PPIP5K1: variants seen among roughly 807,000 people sequenced by gnomAD.
PPIP5K1 encodes diphosphoinositol pentakisphosphate kinase 1, also known as inositol hexakisphosphate and diphosphoinositol-pentakisphosphate kinase 1.
A neutral mutation model predicts 27.7 loss-of-function variants in PPIP5K1; 6 were observed. That is an observed-to-expected ratio of 0.22 (90% CI 0.12 to 0.43). The LOEUF (loss-of-function observed/expected upper bound fraction) is 0.43, where lower values mean the gene tolerates loss of function less well. Ranked by LOEUF, PPIP5K1 falls within the 20% of genes least tolerant of loss-of-function variation. The pLI, the probability that PPIP5K1 is intolerant of heterozygous loss-of-function variation, is 1.00. For synonymous variants in PPIP5K1, 145 were observed against 242.6 expected, an observed-to-expected ratio of 0.60 and a Z score of 3.74; for missense variants, 394 against 635.4, an observed-to-expected ratio of 0.62 and a Z score of 4.08.
chr15:43,541,585 T>G (rs2080722348), intron 30 of PPIP5K1, among the ~76,000 whole-genome samples: 1 of 151,948 alleles, frequency 6.6e-6, no homozygotes, highest in Non-Finnish European at 1.5e-5. Context: ...GGCGTGGTGG[T>G]GGGCGCCTGT....
In PPIP5K1 at chr15:43,535,298, G is replaced by T; in HGVS notation, c.3849C>A (p.Ser1283=). ...ETPGSGAQEL[S]IEGEQELFEP... ...CAAAAAGCTCTTGCTCCCCTTCTAT[G>T]GAGAGCTCTTGTGCTCCACTCCCAG... Residue 1283 remains serine, a synonymous_variant, in exon 32 of 32, where the codon TCC becomes TCA. Transcript: ENST00000420765. 2 of 1,614,168 alleles carry T rather than the reference G, an allele frequency of 1.2e-6. No homozygotes were observed. The highest frequency in any genetic ancestry group is 1.7e-6 in the Non-Finnish European group (2 of 1,180,026).
At chr15:43,547,429 C>CA (rs1193977642) in intron 30 of PPIP5K1, among the ~76,000 whole-genome samples, 1 of 151,974 alleles carries the variant, frequency 6.6e-6, no homozygotes, top group African/African-American at 2.4e-5. Context: ...AATCCATTGC[C>CA]AAATTTAAGG....
intron 30 of PPIP5K1, among the ~76,000 whole-genome samples, chr15:43,555,094 C>T (rs2082764657): frequency 6.6e-6 from 1 of 152,114 alleles, no homozygotes; most frequent in African/African-American, 2.4e-5. Context: ...TCCTTGGCCT[C>T]CCAAAGTGCT....
chr15:43,543,605 A>G (rs1303870228), intron 30 of PPIP5K1, among the ~76,000 whole-genome samples: 2 of 152,136 alleles, frequency 1.3e-5, no homozygotes, highest in South Asian at 4.1e-4. Flanking sequence ...CTCATGCTAC[A>G]TTTGCCAATG....
At position 43,534,703 on chromosome 15, in the gene PPIP5K1, C is replaced by T; in HGVS notation, c.4444G>A (p.Ala1482Thr). 1 of 1,520,798 alleles carries T rather than the reference C, an allele frequency of 6.6e-7. No individual in the cohort carries two copies. Among genetic ancestry groups the T allele is most frequent in the Non-Finnish European group, 8.8e-7 (1 of 1,138,706 alleles). The allele number at this position is 1,520,798 out of a possible 1,614,324, so 94.2% of individuals were successfully genotyped here. The change falls in exon 32 of 32, where the codon GCC (alanine) becomes ACC (threonine). Residue 1482 changes from alanine to threonine, a missense_variant. Transcript: ENST00000420765. ...QEFPEEIDLQ[A>T]QEVPEEIN The stretch of plus-strand genomic sequence containing the variant: ...TTTATCTCCTCAGGGACCTCCTGGG[C>T]CTGCAGATCAATCTCCTCAGGGAAC...
intron 30 of PPIP5K1, among the ~76,000 whole-genome samples, chr15:43,549,660 A>T (rs1323044965): frequency 6.6e-6 from 1 of 151,298 alleles, no homozygotes; most frequent in Non-Finnish European, 1.5e-5. Flanking sequence ...CTTAAAAAAA[A>T]AATCTTTATA....
chr15:43,586,753 A>G (rs1490909904), intron 1 of PPIP5K1, among the ~76,000 whole-genome samples: 1 of 92,390 alleles, frequency 1.1e-5, no homozygotes, highest in Non-Finnish European at 2.3e-5. Context: ...ATAATAATAG[A>G]AGACAAATGC....
intron 30 of PPIP5K1, among the ~76,000 whole-genome samples, chr15:43,554,747 T>G (rs937670378): frequency 6.6e-5 from 10 of 151,996 alleles, no homozygotes; most frequent in Non-Finnish European, 8.8e-5. Flanking sequence ...AAGGTATAAG[T>G]TGGAAGTCTG....
intron 30 of PPIP5K1, 97 bp downstream of exon 30, chr15:43,558,697 GA>G: frequency 6.7e-7 from 1 of 1,491,750 alleles, no homozygotes; most frequent in Non-Finnish European, 9.1e-7. Flanking sequence ...TGTCTTTGTG[GA>G]TTGCCTAACT....
chr15:43,544,919 C>T (rs769753524), intron 30 of PPIP5K1, among the ~76,000 whole-genome samples: 5 of 152,134 alleles, frequency 3.3e-5, no homozygotes, highest in African/African-American at 4.8e-5. Flanking sequence ...TGGCTCACGC[C>T]TGTAATTACA....
chr15:43,547,067 TTTC>T (rs1166543179), intron 30 of PPIP5K1, among the ~76,000 whole-genome samples: 2 of 152,216 alleles, frequency 1.3e-5, no homozygotes, highest in Non-Finnish European at 2.9e-5. Context: ...TAACTAACAC[TTTC>T]TTTTCTTTAT....
Position 43,551,605 on chromosome 15 carries a change from A to AGTTTTGTTTTTTT in PPIP5K1, c.3556+7189_3556+7190insAAAAAAACAAAAC, listed in dbSNP as rs1461759172. On this transcript the variant is annotated intron_variant, in intron 30 of 31. Transcript: ENST00000420765. Reference sequence around the variant, plus strand: ...GTTTAGACTTTCTACTTCTTGATTCAGTTTTTTTTTTTTTTGAGACGGAGT... The same window carrying AGTTTTGTTTTTTT: ...GTTTAGACTTTCTACTTCTTGATTCAGTTTTGTTTTTTTGTTTTTTTTTTTTTTGAGACGGAGT... 1.2e-4 allele frequency among the ~76,000 whole-genome samples: 12 copies of AGTTTTGTTTTTTT among 103,656 alleles called. 2 individuals carry two copies. The highest frequency in any genetic ancestry group is 9.9e-4 in the African/African-American group (12 of 12,070). 68.0% of individuals were successfully genotyped at this position (103,656 alleles called of 152,430 possible). A position where few individuals can be genotyped will look rare whatever the true frequency, so the allele number is the denominator to read the frequency against.
At chr15:43,551,793 CG>C (rs1472491499) in intron 30 of PPIP5K1, among the ~76,000 whole-genome samples, 1 of 150,904 alleles carries the variant, frequency 6.6e-6, no homozygotes, top group Non-Finnish European at 1.5e-5. Flanking sequence ...TTAGTAGAGA[CG>C]GGGTTTCACC....
chr15:43,547,849 A>G (rs556964319), intron 30 of PPIP5K1, among the ~76,000 whole-genome samples: 1 of 152,176 alleles, frequency 6.6e-6, no homozygotes, highest in South Asian at 2.1e-4. Flanking sequence ...ACAGTTCCCT[A>G]TGAATTAGAG....
At chr15:43,549,919 C>T (rs1019219967) in intron 30 of PPIP5K1, among the ~76,000 whole-genome samples, 1 of 152,124 alleles carries the variant, frequency 6.6e-6, no homozygotes, top group Non-Finnish European at 1.5e-5. Context: ...TGCAGTGAGC[C>T]ATGATGGCAC....
At chr15:43,579,423 CGT>C (rs1309057147) in intron 10 of PPIP5K1, among the ~76,000 whole-genome samples, 6 of 113,972 alleles carry the variant, frequency 5.3e-5, no homozygotes, top group East Asian at 3.0e-4. Context: ...CACACACACA[CGT>C]ATGTGTACAT....
intron 30 of PPIP5K1, among the ~76,000 whole-genome samples, chr15:43,555,506 GA>G (rs2082820093): frequency 6.6e-6 from 1 of 151,618 alleles, no homozygotes; most frequent in African/African-American, 2.4e-5. Context: ...GGCTGATCTT[GA>G]ACTCTTGAAC....
intron 30 of PPIP5K1, among the ~76,000 whole-genome samples, chr15:43,542,525 A>G (rs2080874652): frequency 6.6e-6 from 1 of 152,002 alleles, no homozygotes; most frequent in Admixed American, 6.6e-5. Context: ...TCCTGAACTC[A>G]AGTGATTCCC....
chr15:43,534,779 C>T lies in PPIP5K1; in HGVS notation c.4368G>A (p.Ala1456=), dbSNP rs550742857. The change falls in exon 32 of 32, where the codon GCG becomes GCA. Residue 1456 remains alanine, a synonymous_variant. Coordinates refer to ENST00000420765, the MANE Select transcript of PPIP5K1 (RefSeq NM_001394395.1). The part of the protein sequence containing the change: ...EVGRLAQETS[A]INLLSQGIPE... ...GGATGCCCTGAGATAACAGATTGAT[C>T]GCAGAAGTCTCCTGGGCCAGCCTGC... 20 of 1,581,774 alleles carry T rather than the reference C, an allele frequency of 1.3e-5. No homozygotes were observed. The highest frequency in any genetic ancestry group is 5.9e-5 in the South Asian group (5 of 84,552).
Sources: allele counts gnomAD v4.1 joint callset (sites outside exome capture counted in the v4.1 genomes callset), GRCh38; gene constraint gnomAD v4.1.1; transcripts MANE v1.5; gene names NCBI Gene and HGNC (gene_info 2026-07-23, HGNC 2026-07-21).